Variants in CYTIP observed in about 807,000 individuals in gnomAD.
CYTIP encodes cytohesin 1 interacting protein, also known as cytohesin-interacting protein.
Under a neutral mutation model 43.8 loss-of-function variants are expected in CYTIP, and 26 were observed. The ratio of observed to expected loss-of-function variants is 0.59; its 90% CI spans 0.44 to 0.82. The LOEUF is 0.82. Ranked by LOEUF, CYTIP falls within the 40% of genes least tolerant of loss-of-function variation. The pLI, the probability that CYTIP is intolerant of heterozygous loss-of-function variation, is 0.00. For missense variants in CYTIP, 426 were observed against 443.1 expected (o/e 0.96, Z 0.35); for synonymous variants, 162 against 162.9 (o/e 0.99, Z 0.04).
intron 3 of CYTIP, 55 bp downstream of exon 3, chr2:157,434,315 C>A (rs1685758454): frequency 1.5e-6 from 2 of 1,330,830 alleles, no homozygotes; most frequent in Non-Finnish European, 2.2e-6. Context: ...CATAACATGA[C>A]ACTACCGGTG....
Position 157,415,555 on chromosome 2 carries a change from A to C in CYTIP, c.*122T>G, listed in dbSNP as rs527351612. On this transcript the variant is annotated 3_prime_UTR_variant, in exon 8 of 8. Transcript: ENST00000264192. ...TAACACAACAATTTAAATAAAGGTC[A>C]CTATTGCTGTGAAATGGGATGTCAG... The C allele has an allele frequency of 1.5e-6, 1 of 659,302 alleles. No homozygotes were observed. Among genetic ancestry groups the C allele is most frequent in the South Asian group, 2.0e-5 (1 of 51,256 alleles). 40.8% of individuals were successfully genotyped at this position (659,302 alleles called of 1,614,324 possible).
chr2:157,436,199 A>G (rs191241369), intron 1 of CYTIP, among the ~76,000 whole-genome samples: 74 of 152,338 alleles, frequency 4.9e-4, no homozygotes, highest in Non-Finnish European at 8.2e-4. Flanking sequence ...TCTCTTTTCA[A>G]TTTATAAGCA....
In CYTIP at chr2:157,416,648, T is replaced by C. The variant is rs192136504; in HGVS notation, c.614-505A>G. Among the ~76,000 whole-genome samples, 18 of 152,304 alleles carry C rather than the reference T, an allele frequency of 1.2e-4. No individual in the cohort carries two copies. The East Asian group carries it at 3.1e-3, about 26-fold the overall frequency. Reference sequence around the variant, plus strand: ...TTATTATAAAACCATTTGAAGTAAATAGAAAACAGTTATGGAACAGGTAAT... The same window carrying C: ...TTATTATAAAACCATTTGAAGTAAACAGAAAACAGTTATGGAACAGGTAAT... On this transcript the variant is annotated intron_variant, in intron 7 of 7. Coordinates refer to ENST00000264192, the MANE Select transcript of CYTIP (RefSeq NM_004288.5).
chr2:157,417,422 A>G (rs964715377), intron 7 of CYTIP, among the ~76,000 whole-genome samples: 1 of 152,232 alleles, frequency 6.6e-6, no homozygotes, highest in East Asian at 1.9e-4. Flanking sequence ...AATGTTGTCT[A>G]TACAAGGCTG....
Position 157,430,888 on chromosome 2 carries a change from G to A in CYTIP, c.354C>T (p.Ser118=), listed in dbSNP as rs762448415. The change falls in exon 4 of 8, where the codon AGC becomes AGT. Residue 118 remains serine, a synonymous_variant. Coordinates refer to ENST00000264192, the MANE Select transcript of CYTIP (RefSeq NM_004288.5). ...CTTGCAGGCCAGCACAGTGAGCTGG[G>A]CTGTCCTCCTGTATTTTGCATATCA... ...FTLICKIQED[S]PAHCAGLQAG... The A allele has an allele frequency of 5.0e-6, 8 of 1,613,766 alleles. No homozygotes were observed. The East Asian group carries it at 1.6e-4, about 31-fold the overall frequency.
In CYTIP at chr2:157,414,784, T is replaced by C. The variant is rs374489533; in HGVS notation, c.*893A>G. On this transcript the variant is annotated 3_prime_UTR_variant, in exon 8 of 8. Coordinates refer to ENST00000264192, the MANE Select transcript of CYTIP (RefSeq NM_004288.5). The stretch of plus-strand genomic sequence containing the variant: ...AGTAATGTGATACTAACATAACCAA[T>C]AGGCAAAAGACTGCTGAGGTGATAG... 12 of 152,076 alleles carry C rather than the reference T, an allele frequency of 7.9e-5. No homozygotes were observed. The East Asian group carries it at 2.1e-3, about 27-fold the overall frequency. The allele number at this position is 152,076 out of a possible 1,614,324, so 9.4% of individuals were successfully genotyped here.
At chr2:157,442,776 A>G (rs545160976) in intron 1 of CYTIP, among the ~76,000 whole-genome samples, 1 of 152,320 alleles carries the variant, frequency 6.6e-6, no homozygotes, top group East Asian at 1.9e-4. Flanking sequence ...TCACTGAAAA[A>G]AGATCATGTC....
At chr2:157,421,812 A>G (rs1685526813) in intron 6 of CYTIP, among the ~76,000 whole-genome samples, 1 of 152,210 alleles carries the variant, frequency 6.6e-6, no homozygotes, top group Non-Finnish European at 1.5e-5. Flanking sequence ...TCAGACCAAG[A>G]CATTTTTGGC....
Position 157,418,568 on chromosome 2 carries a change from C to A in CYTIP, c.568G>T (p.Val190Leu). 1 of 1,571,996 alleles carries A rather than the reference C, an allele frequency of 6.4e-7. No homozygotes were observed. The highest frequency in any genetic ancestry group is 1.8e-5 in the Admixed American group (1 of 54,784). ...TGTAACTGCAGAGATCTGTACTCCA[C>A]CCATTTTTGTTTCAAAGTTTGCTGT... ...VLKQTLKQKW[V>L]EYRSLQLQEH... Residue 190 changes from valine (V) to leucine (L), a missense_variant, in exon 7 of 8, where the codon GTG becomes TTG. By Grantham distance (32) the Val-to-Leu change is conservative (BLOSUM62 1). Transcript: ENST00000264192.
intron 1 of CYTIP, among the ~76,000 whole-genome samples, chr2:157,438,655 G>C (rs1313155731): frequency 6.6e-6 from 1 of 151,740 alleles, no homozygotes; most frequent in Non-Finnish European, 1.5e-5. Context: ...GAGTATGTAT[G>C]ATTATATATC....
At chr2:157,430,719 G>C in intron 4 of CYTIP, 67 bp from the exon 5 acceptor site, 1 of 1,511,320 alleles carries the variant, frequency 6.6e-7, no homozygotes, top group Non-Finnish European at 9.2e-7. Flanking sequence ...ACATGCAAAT[G>C]AAACAAGCAG....
At chr2:157,427,820 T>C (rs1447967033) in intron 5 of CYTIP, among the ~76,000 whole-genome samples, 1 of 152,176 alleles carries the variant, frequency 6.6e-6, no homozygotes, top group Non-Finnish European at 1.5e-5. Context: ...CTAGAAACCA[T>C]GCTGAACACA....
intron 1 of CYTIP, 70 bp downstream of exon 1, chr2:157,443,777 T>A (rs942730312): frequency 2.0e-6 from 3 of 1,487,582 alleles, no homozygotes; most frequent in African/African-American, 2.8e-5. Context: ...TAGTATGAAG[T>A]CAGACAAACA....
chr2:157,420,191 A>G (rs1685497055), intron 6 of CYTIP, among the ~76,000 whole-genome samples: 1 of 152,082 alleles, frequency 6.6e-6, no homozygotes. Context: ...TTTTCTAATT[A>G]GCTGGGTATG....
At chr2:157,427,695 A>C (rs1685635011) in intron 5 of CYTIP, among the ~76,000 whole-genome samples, 1 of 152,228 alleles carries the variant, frequency 6.6e-6, no homozygotes, top group Non-Finnish European at 1.5e-5. Flanking sequence ...ATTTTATAGA[A>C]GTCACTATGT....
chr2:157,437,218 G>T (rs1685823721), intron 1 of CYTIP, among the ~76,000 whole-genome samples: 1 of 151,926 alleles, frequency 6.6e-6, no homozygotes, highest in Non-Finnish European at 1.5e-5. Flanking sequence ...AAACTAATGG[G>T]GTTATATTAA....
rs1165433926 is a variant in CYTIP, at chr2:157,440,091, C to A, written c.174+3756G>T. The stretch of plus-strand genomic sequence containing the variant: ...TCTCCTGAAAGTGTTGGGGAGGGTG[C>A]GGGGGAGAGGTTACTGATTCCAGAG... On this transcript the variant is annotated intron_variant, in intron 1 of 7. Coordinates refer to ENST00000264192, the MANE Select transcript of CYTIP (RefSeq NM_004288.5). Among the ~76,000 whole-genome samples, 6 of 152,212 alleles carry A rather than the reference C, an allele frequency of 3.9e-5. No individual in the cohort carries two copies. In the East Asian group the frequency reaches 5.8e-4, roughly 15 times the overall value.
At chr2:157,420,745 T>C (rs567705864) in intron 6 of CYTIP, among the ~76,000 whole-genome samples, 55 of 150,666 alleles carry the variant, frequency 3.7e-4, no homozygotes, top group African/African-American at 1.3e-3. Context: ...AGGTCAAAAT[T>C]AGGGACGTAG....
At chr2:157,438,660 T>C (rs1374398157) in intron 1 of CYTIP, among the ~76,000 whole-genome samples, 1 of 152,052 alleles carries the variant, frequency 6.6e-6, no homozygotes, top group Admixed American at 6.6e-5. Flanking sequence ...TGTATGATTA[T>C]ATATCAACTG....
Sources: allele counts gnomAD v4.1 joint callset (sites outside exome capture counted in the v4.1 genomes callset), GRCh38; gene constraint gnomAD v4.1.1; transcripts MANE v1.5; gene names NCBI Gene and HGNC (gene_info 2026-07-23, HGNC 2026-07-21).